ARHGEF3: variants seen among roughly 807,000 people sequenced by gnomAD.
ARHGEF3 encodes the protein Rho guanine nucleotide exchange factor 3.
ARHGEF3 carries 28 observed loss-of-function variants against 63.2 expected under a neutral mutation model. The ratio of observed to expected loss-of-function variants is 0.44; its 90% CI spans 0.33 to 0.61. The LOEUF is 0.61. Among genes scored for constraint, ARHGEF3 ranks in the 20% least tolerant of loss-of-function variants. The pLI, the probability that ARHGEF3 is intolerant of heterozygous loss-of-function variation, is 0.03. For synonymous variants in ARHGEF3, 266 were observed against 254.2 expected (o/e 1.05, Z -0.44); for missense variants, 533 against 659.3 (o/e 0.81, Z 2.10).
At chr3:56,873,961 T>A (rs1186014841) in intron 4 of ARHGEF3, among the ~76,000 whole-genome samples, 2 of 152,222 alleles carry the variant, frequency 1.3e-5, no homozygotes, top group East Asian at 3.8e-4. Flanking sequence ...TGTTATATCA[T>A]TCATATCCGA....
intron 2 of ARHGEF3, among the ~76,000 whole-genome samples, chr3:57,011,877 G>A (rs1332487695): frequency 6.6e-6 from 1 of 152,168 alleles, no homozygotes; most frequent in Admixed American, 6.5e-5. Flanking sequence ...CAGGGCCTCT[G>A]ATTTGCACTA....
intron 4 of ARHGEF3, among the ~76,000 whole-genome samples, chr3:56,850,070 C>T (rs768940604): frequency 9.9e-5 from 15 of 152,066 alleles, no homozygotes; most frequent in African/African-American, 2.7e-4. Flanking sequence ...ACACACAGCC[C>T]GAGCCTTATC....
At chr3:56,748,326 G>A (rs1018705540) in intron 6 of ARHGEF3, among the ~76,000 whole-genome samples, 1 of 152,110 alleles carries the variant, frequency 6.6e-6, no homozygotes, top group Admixed American at 6.5e-5. Flanking sequence ...CACTGTGCTT[G>A]GGCCCTAGAA....
chr3:56,904,872 C>A (rs932092746), intron 3 of ARHGEF3, among the ~76,000 whole-genome samples: 6 of 152,218 alleles, frequency 3.9e-5, no homozygotes. Flanking sequence ...TTCCTTCGAA[C>A]CATTTCTGGC....
Position 56,966,815 on chromosome 3 carries a change from C to T in ARHGEF3, c.63-7926G>A, listed in dbSNP as rs141710895. Reference sequence around the variant, plus strand: ...AGGTGTCCACTGAAACTCTTCTCAACCATTCTCCACCCTCTGTCAGCCTTT... The same window carrying T: ...AGGTGTCCACTGAAACTCTTCTCAATCATTCTCCACCCTCTGTCAGCCTTT... On this transcript the variant is annotated intron_variant, in intron 2 of 12. Transcript: ENST00000338458. Among the ~76,000 whole-genome samples the T allele has an allele frequency of 2.6e-5, 4 of 151,798 alleles. 1 individual carries two copies. In the East Asian group the frequency reaches 7.8e-4, roughly 29 times the overall value.
chr3:57,004,486 T>C (rs1253953262), intron 2 of ARHGEF3, among the ~76,000 whole-genome samples: 3 of 152,238 alleles, frequency 2.0e-5, no homozygotes, highest in Non-Finnish European at 4.4e-5. Flanking sequence ...CGACATTTCC[T>C]TTCTGTCTGG....
chr3:56,860,268 C>T (rs1262522500), intron 4 of ARHGEF3, among the ~76,000 whole-genome samples: 1 of 151,990 alleles, frequency 6.6e-6, no homozygotes, highest in Non-Finnish European at 1.5e-5. Flanking sequence ...GCCTCAAATT[C>T]CTGGGCTCAC....
chr3:56,889,353 C>T (rs2041037294), intron 3 of ARHGEF3, among the ~76,000 whole-genome samples: 2 of 152,168 alleles, frequency 1.3e-5, no homozygotes, highest in Admixed American at 6.5e-5. Context: ...GTGTCCTTAC[C>T]TGGCTTAACT....
chr3:57,069,197 A>G (rs769017577), intron 1 of ARHGEF3, among the ~76,000 whole-genome samples: 1 of 152,240 alleles, frequency 6.6e-6, no homozygotes, highest in Non-Finnish European at 1.5e-5. Context: ...CTAGGATTAC[A>G]GGCGTGAGCC....
Position 56,755,071 on chromosome 3 carries a change from G to A in ARHGEF3, c.285C>T (p.Ser95=). The A allele has an allele frequency of 6.2e-7, 1 of 1,614,070 alleles. No homozygotes were observed. Among genetic ancestry groups the A allele is most frequent in the South Asian group, 1.1e-5 (1 of 91,076 alleles). ...RPWSRNAAPS[S]TKRRDSKLWS... is the part of the protein sequence containing the mutation. ...ACAGCTTGCTATCTCTCCGTTTCGT[G>A]CTCGAGGGGGCGGCATTTCTGGACC... is the stretch of plus-strand genomic sequence containing the variant. The change falls in exon 3 of 10, where the codon AGC becomes AGT. Residue 95 remains serine, a synonymous_variant. Transcript: ENST00000296315.
chr3:56,935,117 T>C (rs1294676753), intron 3 of ARHGEF3, among the ~76,000 whole-genome samples: 1 of 152,128 alleles, frequency 6.6e-6, no homozygotes, highest in Non-Finnish European at 1.5e-5. Flanking sequence ...ATTGGCAGTC[T>C]GTATCTAGCT....
chr3:56,730,320 C>T (rs1192807009), intron 9 of ARHGEF3, among the ~76,000 whole-genome samples: 1 of 151,740 alleles, frequency 6.6e-6, no homozygotes, highest in African/African-American at 2.4e-5. Flanking sequence ...ATTTTAATTA[C>T]CTCAACAGGA....
chr3:56,968,305 TATATATAAA>T lies in ARHGEF3; in HGVS notation c.63-9425_63-9417del, dbSNP rs1700746791. Among the ~76,000 whole-genome samples, 8 of 57,832 alleles carry T rather than the reference TATATATAAA, an allele frequency of 1.4e-4. 3 individuals are homozygous for T. The highest frequency in any genetic ancestry group is 2.7e-4 in the Non-Finnish European group (8 of 29,468). The allele number at this position is 57,832 out of a possible 152,430, so 37.9% of individuals were successfully genotyped here. A position where few individuals can be genotyped will look rare whatever the true frequency, so the allele number is the denominator to read the frequency against. On this transcript the variant is annotated intron_variant, in intron 2 of 12. Coordinates refer to the ARHGEF3 transcript ENST00000338458. ...TATATATAATATATATAATATATAA[TATATATAAA>T]ATATATTTTATATATATATAATATA...
rs184214390 is a variant in ARHGEF3 at position 57,052,680 on chromosome 3, C to G, written c.-27-17504G>C. On this transcript the variant is annotated intron_variant, in intron 1 of 12. Coordinates refer to the ARHGEF3 transcript ENST00000338458. ...AGCTTTTATGGAACACGGCAAGACA[C>G]AAAGACATAAATAAATAAAATTCAC... 1.1e-3 allele frequency among the ~76,000 whole-genome samples: 167 copies of G among 152,258 alleles called. 3 individuals carry two copies. Among genetic ancestry groups the G allele is most frequent in the Admixed American group, 3.6e-3 (55 of 15,304 alleles).
intron 3 of ARHGEF3, among the ~76,000 whole-genome samples, chr3:56,754,224 T>C (rs1242362304): frequency 6.6e-6 from 1 of 152,152 alleles, no homozygotes; most frequent in Non-Finnish European, 1.5e-5. Context: ...TATTAAGCCA[T>C]CATGCTAAAG....
At chr3:56,921,127 G>A (rs1423771728) in intron 3 of ARHGEF3, among the ~76,000 whole-genome samples, 1 of 150,326 alleles carries the variant, frequency 6.7e-6, no homozygotes, top group African/African-American at 2.4e-5. Context: ...TGGTTAGGGA[G>A]GCAGAGACAT....
chr3:56,970,092 G>A (rs1258265760), intron 2 of ARHGEF3, among the ~76,000 whole-genome samples: 4 of 152,210 alleles, frequency 2.6e-5, no homozygotes, highest in Non-Finnish European at 4.4e-5. Context: ...TTGGGGTGAT[G>A]AAAAGGTTCT....
upstream of ARHGEF3, among the ~76,000 whole-genome samples, chr3:56,804,136 C>T (rs1002576278): frequency 2.6e-5 from 4 of 152,140 alleles, no homozygotes; most frequent in Admixed American, 1.3e-4. Flanking sequence ...CCACCTGCCT[C>T]AACCACCCAA....
chr3:56,987,175 A>G (rs1701576118), intron 2 of ARHGEF3, among the ~76,000 whole-genome samples: 3 of 152,180 alleles, frequency 2.0e-5, no homozygotes, highest in African/African-American at 7.2e-5. Context: ...TCGTCCCACT[A>G]TACTCCAGCC....
Sources: allele counts gnomAD v4.1 joint callset (sites outside exome capture counted in the v4.1 genomes callset), GRCh38; gene constraint gnomAD v4.1.1; transcripts MANE v1.5; gene names NCBI Gene and HGNC (gene_info 2026-07-23, HGNC 2026-07-21).